Variants in VRK2 observed in about 807,000 individuals in gnomAD.
The protein encoded by VRK2 is VRK serine/threonine kinase 2, also known as serine/threonine-protein kinase VRK2.
Under a neutral mutation model 57.6 loss-of-function variants are expected in VRK2, and 60 were observed. The ratio of observed to expected loss-of-function variants is 1.04; its 90% CI spans 0.85 to 1.29. VRK2 has a LOEUF of 1.29. VRK2 is among the 50% of genes most tolerant of loss of function. The probability of loss-of-function intolerance (pLI) is 0.00; values close to 1 mark genes in which losing one functional copy is unlikely to be tolerated. For synonymous variants in VRK2, 231 were observed against 199.2 expected, an observed-to-expected ratio of 1.16 and a Z score of -1.35; for missense variants, 705 against 588.1, an observed-to-expected ratio of 1.20 and a Z score of -2.06.
intron 1 of VRK2, among the ~76,000 whole-genome samples, chr2:57,913,452 C>G (rs911925030): frequency 6.6e-6 from 1 of 152,056 alleles, no homozygotes; most frequent in African/African-American, 2.4e-5. Context: ...TAGGAATGGG[C>G]CAATGTATCT....
intron 7 of VRK2, among the ~76,000 whole-genome samples, chr2:58,106,735 G>A (rs1468488258): frequency 2.0e-5 from 3 of 151,470 alleles, no homozygotes; most frequent in Non-Finnish European, 1.5e-5. Context: ...ATAAGCACAT[G>A]TTGCTTCCAT....
chr2:57,915,799 G>C (rs1670128701), intron 1 of VRK2, among the ~76,000 whole-genome samples: 1 of 152,210 alleles, frequency 6.6e-6, no homozygotes, highest in Non-Finnish European at 1.5e-5. Flanking sequence ...ACAGCAAGAA[G>C]TGAGTGGTGG....
intron 1 of VRK2, among the ~76,000 whole-genome samples, chr2:57,968,535 C>A (rs1229433593): frequency 7.9e-5 from 12 of 152,018 alleles, no homozygotes; most frequent in Admixed American, 7.2e-4. Flanking sequence ...ATTTGTAGTA[C>A]CTTGAAAGAA....
At chr2:57,922,165 A>G (rs986621275) in intron 1 of VRK2, among the ~76,000 whole-genome samples, 4 of 152,056 alleles carry the variant, frequency 2.6e-5, no homozygotes, top group African/African-American at 9.7e-5. Context: ...CAAAGTCCTG[A>G]CAATTCACTC....
chr2:58,015,941 A>G (rs1264185526), intron 1 of VRK2, among the ~76,000 whole-genome samples: 3 of 151,928 alleles, frequency 2.0e-5, no homozygotes, highest in Non-Finnish European at 4.4e-5. Context: ...TTTTTCTTAT[A>G]GCTAGCTTTT....
At chr2:58,117,393 T>C (rs1676682475) in intron 7 of VRK2, among the ~76,000 whole-genome samples, 1 of 151,870 alleles carries the variant, frequency 6.6e-6, no homozygotes, top group African/African-American at 2.4e-5. Flanking sequence ...GGGGAGGCGA[T>C]AAAAAGATTA....
intron 1 of VRK2, among the ~76,000 whole-genome samples, chr2:58,016,044 T>C (rs1673571317): frequency 6.6e-6 from 1 of 152,184 alleles, no homozygotes; most frequent in South Asian, 2.1e-4. Flanking sequence ...TCCTTTTTCT[T>C]GTTCTAGAAT....
At chr2:58,123,305 T>A in intron 8 of VRK2, 72 bp downstream of exon 8, 2 of 1,534,446 alleles carry the variant, frequency 1.3e-6, no homozygotes, top group Non-Finnish European at 1.7e-6. Flanking sequence ...TGAGGCTGCA[T>A]GAAATGACCT....
intron 12 of VRK2, among the ~76,000 whole-genome samples, chr2:58,150,762 A>C (rs1573418116): frequency 6.6e-6 from 1 of 151,422 alleles, no homozygotes; most frequent in South Asian, 2.1e-4. Context: ...TAACGTATAT[A>C]GTTAAACCTA....
At chr2:58,030,793 T>C (rs1391348712) in intron 2 of VRK2, among the ~76,000 whole-genome samples, 1 of 151,804 alleles carries the variant, frequency 6.6e-6, no homozygotes, top group East Asian at 1.9e-4. Context: ...TTGCATGGAG[T>C]TGAAAGTGAT....
chr2:58,019,089 G>A (rs1673670410), intron 1 of VRK2, among the ~76,000 whole-genome samples: 1 of 152,164 alleles, frequency 6.6e-6, no homozygotes, highest in African/African-American at 2.4e-5. Flanking sequence ...CTCATAGCAA[G>A]CAAGGACTAG....
intron 7 of VRK2, among the ~76,000 whole-genome samples, chr2:58,104,893 A>T (rs1025557252): frequency 2.6e-5 from 4 of 151,788 alleles, no homozygotes; most frequent in Non-Finnish European, 5.9e-5. Context: ...TAGAGAACCA[A>T]TAAATAAAGC....
At chr2:57,989,723 G>A (rs1338168946) in intron 1 of VRK2, among the ~76,000 whole-genome samples, 3 of 152,070 alleles carry the variant, frequency 2.0e-5, no homozygotes, top group South Asian at 2.1e-4. Context: ...TATAATAAAT[G>A]CATTTTTATT....
At chr2:57,944,439 T>C (rs572902647) in intron 1 of VRK2, among the ~76,000 whole-genome samples, 1 of 152,230 alleles carries the variant, frequency 6.6e-6, no homozygotes, top group South Asian at 2.1e-4. Flanking sequence ...AAATAATTTT[T>C]TAAAAGGAAA....
At chr2:57,988,381 T>C (rs1672664400) in intron 1 of VRK2, among the ~76,000 whole-genome samples, 1 of 152,196 alleles carries the variant, frequency 6.6e-6, no homozygotes, top group African/African-American at 2.4e-5. Flanking sequence ...ATTTGAGCTC[T>C]GTGATGGCTA....
At chr2:58,069,716 A>G (rs886956463) in intron 2 of VRK2, among the ~76,000 whole-genome samples, 6 of 152,094 alleles carry the variant, frequency 3.9e-5, no homozygotes, top group Non-Finnish European at 8.8e-5. Flanking sequence ...CTGGGATGGG[A>G]AAGAACCGAA....
intron 12 of VRK2, among the ~76,000 whole-genome samples, chr2:58,152,970 A>G (rs1315108244): frequency 6.6e-6 from 1 of 151,902 alleles, no homozygotes; most frequent in African/African-American, 2.4e-5. Flanking sequence ...TGTTCCTTAG[A>G]TATTTTATAA....
intron 7 of VRK2, among the ~76,000 whole-genome samples, chr2:58,105,139 A>T (rs904567896): frequency 2.6e-5 from 4 of 151,998 alleles, no homozygotes; most frequent in African/African-American, 7.2e-5. Context: ...GCTCTTGTGG[A>T]CATTGGTCTA....
At chr2:58,121,266 A>C (rs985666337) in intron 7 of VRK2, among the ~76,000 whole-genome samples, 10 of 152,212 alleles carry the variant, frequency 6.6e-5, no homozygotes, top group African/African-American at 2.4e-4. Flanking sequence ...AGTACATAAA[A>C]CAGCTTCTTG....
Sources: allele counts gnomAD v4.1 joint callset (sites outside exome capture counted in the v4.1 genomes callset), GRCh38; gene constraint gnomAD v4.1.1; transcripts MANE v1.5; gene names NCBI Gene and HGNC (gene_info 2026-07-23, HGNC 2026-07-21).